Variants in KIRREL3 observed in about 807,000 individuals in gnomAD.
KIRREL3 encodes kin of IRRE-like protein 3.
KIRREL3 carries 36 observed loss-of-function variants against 89.7 expected under a neutral mutation model. The observed-to-expected ratio is 0.40, with a 90% CI of 0.31 to 0.53. The LOEUF is 0.53. Ranked by LOEUF, KIRREL3 falls within the 20% of genes least tolerant of loss-of-function variation. The pLI is 0.49. For synonymous variants in KIRREL3, 445 were observed against 441.4 expected (o/e 1.01, Z -0.10); for missense variants, 864 against 1,056.6 (o/e 0.82, Z 2.53).
At chr11:126,529,165 G>A (rs1396315016) in intron 2 of KIRREL3, among the ~76,000 whole-genome samples, 2 of 152,108 alleles carry the variant, frequency 1.3e-5, no homozygotes, top group African/African-American at 4.8e-5. Flanking sequence ...AGGAAGGCGC[G>A]GGAGGTACTG....
intron 1 of KIRREL3, among the ~76,000 whole-genome samples, chr11:126,767,617 T>G (rs1390268927): frequency 6.6e-6 from 1 of 152,132 alleles, no homozygotes; most frequent in East Asian, 1.9e-4. Flanking sequence ...TTGCCCAGGG[T>G]TCAGGTCATT....
intron 10 of KIRREL3, among the ~76,000 whole-genome samples, chr11:126,442,100 G>A (rs900250202): frequency 1.3e-5 from 2 of 151,602 alleles, no homozygotes; most frequent in South Asian, 2.1e-4. Context: ...GTGAAACCCC[G>A]TCTGTACTAA....
At position 126,873,135 on chromosome 11, in the gene KIRREL3, G is replaced by A. The variant is rs534677684; in HGVS notation, c.55+127320C>T. Among the ~76,000 whole-genome samples, 24 of 152,256 alleles carry A rather than the reference G, an allele frequency of 1.6e-4. No homozygotes were observed. In the South Asian group the frequency reaches 4.8e-3, roughly 30 times the overall value. ...ATATATCATGGAATAGTGAATACAAGTTCAAAAGTACATATAATAATATAA... is the reference window on the plus strand; with the variant it reads ...ATATATCATGGAATAGTGAATACAAATTCAAAAGTACATATAATAATATAA... On this transcript the variant is annotated intron_variant, in intron 1 of 16. Transcript: ENST00000525144.
chr11:126,667,512 A>G (rs995086978), intron 1 of KIRREL3, among the ~76,000 whole-genome samples: 4 of 152,222 alleles, frequency 2.6e-5, no homozygotes, highest in African/African-American at 9.6e-5. Flanking sequence ...TGAAGGGAAG[A>G]TCGGGGGAGA....
chr11:126,777,007 T>G (rs1266479016), intron 1 of KIRREL3, among the ~76,000 whole-genome samples: 1 of 152,162 alleles, frequency 6.6e-6, no homozygotes, highest in Non-Finnish European at 1.5e-5. Flanking sequence ...GTGTTAAACC[T>G]CAGATGTCAG....
rs1949723846 is a variant in KIRREL3, at chr11:126,763,412, A to AG, written c.56-200501dup. Reference sequence around the variant, plus strand: ...TCAGCACCCAACAGTGCTCTGATGCAGGGGGAGAAGAGCAGGGAGAGGGCA... The same window carrying AG: ...TCAGCACCCAACAGTGCTCTGATGCAGGGGGGAGAAGAGCAGGGAGAGGGCA... On this transcript the variant is annotated intron_variant, in intron 1 of 16. Transcript: ENST00000525144. This position sits in a 1 kb window ranked among gnomAD's most constrained non-coding sequence, Gnocchi z 4.7. Among the ~76,000 whole-genome samples, 1 of 152,188 alleles carries AG rather than the reference A, an allele frequency of 6.6e-6. No homozygotes were observed. Among genetic ancestry groups the AG allele is most frequent in the Non-Finnish European group, 1.5e-5 (1 of 68,032 alleles).
intron 6 of KIRREL3, among the ~76,000 whole-genome samples, chr11:126,461,086 G>A (rs1217069357): frequency 3.9e-5 from 6 of 152,214 alleles, no homozygotes; most frequent in Admixed American, 3.9e-4. Flanking sequence ...CCAGTCCTCG[G>A]GCAAGAAGGG....
rs1336672553 is a variant in KIRREL3 at position 126,977,905 on chromosome 11, C to T, written c.55+22550G>A. On this transcript the variant is annotated intron_variant, in intron 1 of 16. Transcript: ENST00000525144. The surrounding 1 kb of genome is among the most constrained non-coding windows in gnomAD (Gnocchi z 4.7). ...TTGGATCAGGAAAGAGCATCAATTT[C>T]CTGTGTACCACACAGTCAGAGGCAT... Among the ~76,000 whole-genome samples, 1 of 152,166 alleles carries T rather than the reference C, an allele frequency of 6.6e-6. No individual in the cohort carries two copies. The highest frequency in any genetic ancestry group is 1.9e-4 in the East Asian group (1 of 5,200).
At chr11:126,539,666 C>T (rs636017) in intron 2 of KIRREL3, among the ~76,000 whole-genome samples, 2,283 of 152,038 alleles carry the variant, frequency 0.015, 58 homozygotes, top group African/African-American at 0.052. Context: ...AGGAGAAGCG[C>T]GCTTGAGGTG....
chr11:126,439,408 G>C (rs1955477151), intron 11 of KIRREL3, among the ~76,000 whole-genome samples: 1 of 151,582 alleles, frequency 6.6e-6, no homozygotes, highest in Non-Finnish European at 1.5e-5. Context: ...GTCTCACTAT[G>C]TTGCCCAGGC....
intron 5 of KIRREL3, among the ~76,000 whole-genome samples, chr11:126,466,265 G>T (rs1165903920): frequency 6.6e-6 from 1 of 152,260 alleles, no homozygotes; most frequent in African/African-American, 2.4e-5. Context: ...AAAGGGAGAT[G>T]TGTTCATTAA....
Position 126,527,706 on chromosome 11 carries a change from C to T in KIRREL3, c.134-1019G>A, listed in dbSNP as rs1296154176. On this transcript the variant is annotated intron_variant, in intron 2 of 16. Coordinates refer to ENST00000525144, the MANE Select transcript of KIRREL3 (RefSeq NM_032531.4). The surrounding 1 kb of genome is among the most constrained non-coding windows in gnomAD (Gnocchi z 4.2). The stretch of plus-strand genomic sequence containing the variant: ...CCCCATTTGACAGGACTTTGGGAAA[C>T]GGAGGCTCAGGGTTAACTGAATTGC... 1.3e-5 allele frequency among the ~76,000 whole-genome samples: 2 copies of T among 152,142 alleles called. No homozygotes were observed. The highest frequency in any genetic ancestry group is 2.9e-5 in the Non-Finnish European group (2 of 68,028).
rs1955653712 is a variant in KIRREL3, at chr11:126,443,200, G to A, written c.1252+1779C>T. Among the ~76,000 whole-genome samples, 1 of 152,206 alleles carries A rather than the reference G, an allele frequency of 6.6e-6. No individual in the cohort carries two copies. Among genetic ancestry groups the A allele is most frequent in the Non-Finnish European group, 1.5e-5 (1 of 68,038 alleles). ...TGGGGGCCCTGGAGTGCATGAGTGAGTGTGAGGGTCCCGGGCTGGCTGGTC... is the reference window on the plus strand; with the variant it reads ...TGGGGGCCCTGGAGTGCATGAGTGAATGTGAGGGTCCCGGGCTGGCTGGTC... On this transcript the variant is annotated intron_variant, in intron 10 of 16. Coordinates refer to ENST00000525144, the MANE Select transcript of KIRREL3 (RefSeq NM_032531.4). This position sits in a 1 kb window ranked among gnomAD's most constrained non-coding sequence, Gnocchi z 7.3.
In KIRREL3 at chr11:126,642,985, C is replaced by CCCATCCATCCATCCATCCATCCAT. The variant is rs372066492; in HGVS notation, c.56-80097_56-80074dup. 1.5e-4 allele frequency among the ~76,000 whole-genome samples: 23 copies of CCCATCCATCCATCCATCCATCCAT among 150,748 alleles called. No homozygotes were observed. The highest frequency in any genetic ancestry group is 2.8e-4 in the Non-Finnish European group (19 of 67,818). On this transcript the variant is annotated intron_variant, in intron 1 of 16. Transcript: ENST00000525144. The surrounding 1 kb of genome is among the most constrained non-coding windows in gnomAD (Gnocchi z 4.9). ...GGTACTTTGGCCTCCCTTCTTCCCT[C>CCCATCCATCCATCCATCCATCCAT]CCATCCATCCATCCATCCATCCATC...
chr11:126,761,147 G>A lies in KIRREL3; in HGVS notation c.56-198235C>T, dbSNP rs1949655522. On this transcript the variant is annotated intron_variant, in intron 1 of 16. Transcript: ENST00000525144. This position sits in a 1 kb window ranked among gnomAD's most constrained non-coding sequence, Gnocchi z 4.4. ...CTTCTGAAGAATCTACTAGGGCTTG[G>A]AATACCTGTCTTGATCATTCTGAGA... Among the ~76,000 whole-genome samples, 2 of 152,210 alleles carry A rather than the reference G, an allele frequency of 1.3e-5. No homozygotes were observed. Among genetic ancestry groups the A allele is most frequent in the Admixed American group, 1.3e-4 (2 of 15,290 alleles).
intron 1 of KIRREL3, among the ~76,000 whole-genome samples, chr11:126,826,140 C>G (rs1379573915): frequency 6.6e-6 from 1 of 152,080 alleles, no homozygotes; most frequent in Non-Finnish European, 1.5e-5. Context: ...GGATGTCTTC[C>G]CCATGGTATT....
rs895649048 is a variant in KIRREL3 at position 126,958,640 on chromosome 11, C to T, written c.55+41815G>A. Among the ~76,000 whole-genome samples the T allele has an allele frequency of 4.6e-5, 7 of 152,332 alleles. No individual in the cohort carries two copies. The East Asian group carries it at 1.3e-3, about 29-fold the overall frequency. On this transcript the variant is annotated intron_variant, in intron 1 of 16. Coordinates refer to ENST00000525144, the MANE Select transcript of KIRREL3 (RefSeq NM_032531.4). Reference sequence around the variant, plus strand: ...TCATCTACAGTGCCTAGTGCAGTGTCTTTCACACATAGTTTTTCTGCTTAA... The same window carrying T: ...TCATCTACAGTGCCTAGTGCAGTGTTTTTCACACATAGTTTTTCTGCTTAA...
At chr11:126,468,909 G>A (rs1956804099) in intron 5 of KIRREL3, among the ~76,000 whole-genome samples, 2 of 152,198 alleles carry the variant, frequency 1.3e-5, no homozygotes, top group African/African-American at 4.8e-5. Flanking sequence ...TAGGCCTTCA[G>A]AACCATGTGG....
intron 1 of KIRREL3, among the ~76,000 whole-genome samples, chr11:126,916,772 G>T (rs957682014): frequency 3.3e-5 from 5 of 152,170 alleles, no homozygotes; most frequent in African/African-American, 1.2e-4. Flanking sequence ...TTTGGAGCTG[G>T]ATAAAGCATT....
Sources: gnomAD v4.1 joint callset for allele counts (sites outside exome capture counted in the v4.1 genomes callset) on GRCh38, gnomAD v4.1.1 for gene constraint, Gnocchi (gnomAD v3.1) non-coding constraint, MANE v1.5 for transcripts, NCBI Gene and HGNC (gene_info 2026-07-23, HGNC 2026-07-21) for gene names.